TBCE: variants seen among roughly 807,000 people sequenced by gnomAD.
TBCE encodes tubulin folding cofactor E.
A neutral mutation model predicts 77.0 loss-of-function variants in TBCE; 53 were observed. The observed-to-expected ratio is 0.69, with a 90% CI of 0.55 to 0.87. The LOEUF is 0.87. Ranked by LOEUF, TBCE falls within the 40% of genes least tolerant of loss-of-function variation. The pLI is 0.00. For missense variants in TBCE, 624 were observed against 622.4 expected, an observed-to-expected ratio of 1.00 and a Z score of -0.03; for synonymous variants, 235 against 241.3, an observed-to-expected ratio of 0.97 and a Z score of 0.24.
rs766386026 is a variant in TBCE, at chr1:235,380,120, G to A, written c.71G>A (p.Arg24His). ...VEVNGEHATVRFAGVVPPVAG... is the reference protein window; with the variant it reads ...VEVNGEHATVHFAGVVPPVAG... Reference sequence around the variant, plus strand: ...GTTAATGGAGAACATGCAACAGTACGTTTTGCTGGTGTTGTCCCTCCCGTG... The same window carrying A: ...GTTAATGGAGAACATGCAACAGTACATTTTGCTGGTGTTGTCCCTCCCGTG... Residue 24 changes from arginine (R) to histidine (H), a missense_variant, in exon 2 of 17, where the codon CGT (arginine) becomes CAT (histidine). Arg to His is a conservative substitution (Grantham distance 29, BLOSUM62 0). Transcript: ENST00000642610. 4.7e-5 allele frequency: 75 copies of A among 1,611,860 alleles called. 3 individuals are homozygous for A. Among genetic ancestry groups the A allele is most frequent in the South Asian group, 3.5e-4 (32 of 91,040 alleles).
intron 5 of TBCE, among the ~76,000 whole-genome samples, chr1:235,422,286 T>C (rs891277040): frequency 2.0e-5 from 3 of 152,052 alleles, no homozygotes; most frequent in Non-Finnish European, 4.4e-5. Context: ...CCAAGGCGGG[T>C]GGATCACCTG....
In TBCE at chr1:235,394,427, T is replaced by TTC. The variant is rs1393511484; in HGVS notation, c.101-7075_101-7074insCT. On this transcript the variant is annotated intron_variant, in intron 2 of 16. Coordinates refer to ENST00000642610, the MANE Select transcript of TBCE (RefSeq NM_003193.5). ...TAATTTTTGATAATTTCTTTTTTTT[T>TTC]TTTTTTTTTTTTTTTTGAGACAGGT... Among the ~76,000 whole-genome samples, 6 of 135,802 alleles carry TTC rather than the reference T, an allele frequency of 4.4e-5. No homozygotes were observed. The East Asian group carries it at 1.2e-3, about 28-fold the overall frequency. 89.1% of individuals were successfully genotyped at this position (135,802 alleles called of 152,430 possible).
rs554055221 is a variant in TBCE, at chr1:235,402,992, C to T, written c.185+1405C>T. ...GTTTACTAACCTTTAAAATGAAGGTCAGAATTAGGTAACCACACAGCATAT... is the reference window on the plus strand; with the variant it reads ...GTTTACTAACCTTTAAAATGAAGGTTAGAATTAGGTAACCACACAGCATAT... On this transcript the variant is annotated intron_variant, in intron 3 of 16. Coordinates refer to ENST00000642610, the MANE Select transcript of TBCE (RefSeq NM_003193.5). Among the ~76,000 whole-genome samples the T allele has an allele frequency of 2.6e-5, 4 of 152,122 alleles. No individual in the cohort carries two copies. The South Asian group carries it at 8.3e-4, about 32-fold the overall frequency.
At chr1:235,384,621 T>C (rs866102161) in intron 2 of TBCE, among the ~76,000 whole-genome samples, 14 of 150,504 alleles carry the variant, frequency 9.3e-5, no homozygotes, top group African/African-American at 3.4e-4. Context: ...TTTGTAGTAT[T>C]CTCTGATGGT....
intron 5 of TBCE, among the ~76,000 whole-genome samples, chr1:235,424,378 G>A (rs951772356): frequency 9.1e-5 from 12 of 132,118 alleles, no homozygotes; most frequent in Non-Finnish European, 1.3e-4. Flanking sequence ...GGGCTGGAGT[G>A]CAGTGGCGCG....
chr1:235,413,046 G>A (rs553104075), intron 3 of TBCE, among the ~76,000 whole-genome samples: 58 of 152,158 alleles, frequency 3.8e-4, no homozygotes, highest in African/African-American at 7.7e-4. Context: ...TAGGTGATCC[G>A]CCCTTTTCAG....
intron 2 of TBCE, among the ~76,000 whole-genome samples, chr1:235,380,808 A>G (rs11583253): frequency 0.16 from 24,695 of 152,078 alleles, 2,763 homozygotes; most frequent in African/African-American, 0.32. Flanking sequence ...ATTTTGAGAC[A>G]GAGTTTCGCT....
intron 13 of TBCE, 137 bp downstream of exon 13, chr1:235,439,059 G>A: frequency 8.0e-7 from 1 of 1,250,104 alleles, no homozygotes; most frequent in African/African-American, 1.5e-5. Context: ...TCATCTGAAT[G>A]GACTATAGGC....
At chr1:235,414,745 C>T (rs542684233) in intron 4 of TBCE, 127 bp downstream of exon 4, 38 of 894,130 alleles carry the variant, frequency 4.2e-5, no homozygotes, top group South Asian at 2.6e-4. Context: ...TCCACAGAAA[C>T]GGAATCAAAA....
intron 3 of TBCE, among the ~76,000 whole-genome samples, chr1:235,411,087 C>T (rs1376576574): frequency 6.6e-6 from 1 of 152,174 alleles, no homozygotes; most frequent in Non-Finnish European, 1.5e-5. Context: ...TTGTTTAAAT[C>T]AAGCTAATAA....
At chr1:235,406,831 T>A (rs1460428750) in intron 3 of TBCE, among the ~76,000 whole-genome samples, 1 of 37,850 alleles carries the variant, frequency 2.6e-5, no homozygotes, top group African/African-American at 1.1e-4. Context: ...CTCCTGGGCT[T>A]TTTTTTTTTT....
At chr1:235,436,058 A>G in intron 9 of TBCE, 1 of 608,556 alleles carries the variant, frequency 1.6e-6, no homozygotes, top group Non-Finnish European at 2.9e-6. Context: ...GATAATTTGA[A>G]GAATGAATAA....
chr1:235,404,764 C>G (rs528975986), intron 3 of TBCE, among the ~76,000 whole-genome samples: 1 of 150,960 alleles, frequency 6.6e-6, no homozygotes, highest in East Asian at 2.0e-4. Context: ...TGGGTTCCAA[C>G]GATTCTCTTG....
intron 5 of TBCE, among the ~76,000 whole-genome samples, chr1:235,420,159 G>A (rs575557512): frequency 3.2e-4 from 49 of 152,268 alleles, no homozygotes; most frequent in African/African-American, 1.1e-3. Context: ...TGCCTTGAGC[G>A]GATGGAAAGC....
chr1:235,428,661 T>C (rs1487659320), intron 6 of TBCE, among the ~76,000 whole-genome samples: 1 of 150,280 alleles, frequency 6.7e-6, no homozygotes, highest in Admixed American at 6.6e-5. Context: ...ATTTATTTAT[T>C]TGAGACAGTG....
chr1:235,385,755 T>A (rs1325111624), intron 2 of TBCE, among the ~76,000 whole-genome samples: 1 of 152,220 alleles, frequency 6.6e-6, no homozygotes, highest in Non-Finnish European at 1.5e-5. Context: ...CACTGATGGG[T>A]CTTGACTCTT....
chr1:235,371,587 G>A lies in TBCE; in HGVS notation c.-32+4083G>A, dbSNP rs566449826. Among the ~76,000 whole-genome samples the A allele has an allele frequency of 1.1e-4, 17 of 151,888 alleles. No individual in the cohort carries two copies. In the South Asian group the frequency reaches 2.7e-3, roughly 24 times the overall value. On this transcript the variant is annotated intron_variant, in intron 1 of 16. Transcript: ENST00000642610. Reference sequence around the variant, plus strand: ...GATGGGGTTTCATCATATTGGTTAGGCTTGTCTCAAACTCCCAACCTCAGT... The same window carrying A: ...GATGGGGTTTCATCATATTGGTTAGACTTGTCTCAAACTCCCAACCTCAGT...
chr1:235,381,130 G>A (rs1232288034), intron 2 of TBCE, among the ~76,000 whole-genome samples: 1 of 152,046 alleles, frequency 6.6e-6, no homozygotes, highest in East Asian at 1.9e-4. Context: ...AAGCTGATAT[G>A]GGTTTACTAG....
intron 9 of TBCE, chr1:235,436,075 C>G: frequency 3.3e-6 from 2 of 604,596 alleles, no homozygotes; most frequent in Admixed American, 5.9e-5. Context: ...ATAATTTGAC[C>G]CTGGTGATAA....
Sources: gnomAD v4.1 joint callset for allele counts (sites outside exome capture counted in the v4.1 genomes callset) on GRCh38, gnomAD v4.1.1 for gene constraint, MANE v1.5 for transcripts, NCBI Gene and HGNC (gene_info 2026-07-23, HGNC 2026-07-21) for gene names.